Variants in FBXO36 observed in about 807,000 individuals in gnomAD.
FBXO36 encodes the protein F-box only protein 36.
A neutral mutation model predicts 17.0 loss-of-function variants in FBXO36; 18 were observed. The ratio of observed to expected loss-of-function variants is 1.06; its 90% confidence interval spans 0.73 to 1.57. The LOEUF (loss-of-function observed/expected upper bound fraction) is 1.57, where lower values mean the gene tolerates loss of function less well. Ranked by LOEUF, FBXO36 falls within the 40% of genes most tolerant of loss-of-function variation. The pLI is 0.00. For synonymous variants in FBXO36, 83 were observed against 85.3 expected, an observed-to-expected ratio of 0.97 and a Z score of 0.15; for missense variants, 229 against 221.9, an observed-to-expected ratio of 1.03 and a Z score of -0.20.
At chr2:229,923,980 G>A (rs10174239) in intron 1 of FBXO36, among the ~76,000 whole-genome samples, 2,530 of 151,138 alleles carry the variant, frequency 0.017, 69 homozygotes, top group African/African-American at 0.059. Context: ...TCTTGATCTC[G>A]TGATCCGCCT....
intron 2 of FBXO36, among the ~76,000 whole-genome samples, chr2:229,989,449 G>T (rs1335980943): frequency 6.6e-6 from 1 of 151,778 alleles, no homozygotes; most frequent in Non-Finnish European, 1.5e-5. Flanking sequence ...TAGAGACAGG[G>T]TTTCTCCATG....
In FBXO36 at chr2:229,953,663, T is replaced by C. The variant is rs371722978; in HGVS notation, c.97-22578T>C. On this transcript the variant is annotated intron_variant, in intron 1 of 3. Coordinates refer to ENST00000283946, the MANE Select transcript of FBXO36 (RefSeq NM_174899.5). ...CTCCAGCCTGGATGACAGAATGATA[T>C]CTTGTCTCAGAGAAAAAAAAAATAA... 1.1e-4 allele frequency among the ~76,000 whole-genome samples: 16 copies of C among 151,356 alleles called. No homozygotes were observed. The East Asian group carries it at 2.7e-3, about 26-fold the overall frequency.
intron 1 of FBXO36, among the ~76,000 whole-genome samples, chr2:229,963,444 CTTTTTT>C (rs757351541): frequency 2.5e-4 from 32 of 129,230 alleles, no homozygotes; most frequent in African/African-American, 8.6e-4. Context: ...TTTCTTTTTT[CTTTTTT>C]TTTTTTTTTT....
intron 1 of FBXO36, among the ~76,000 whole-genome samples, chr2:229,950,989 A>C (rs2077054638): frequency 6.6e-6 from 1 of 152,114 alleles, no homozygotes. Context: ...ACTGGAGTGC[A>C]GTGTTGTGAT....
rs5839351 is a variant in FBXO36, at chr2:230,011,598, C to CTTTTTTTTTTTTTTTTTTTGT, written c.*731_*732insTTGTTTTTTTTTTTTTTTTTT. On this transcript the variant is annotated 3_prime_UTR_variant, in exon 4 of 4. Coordinates refer to ENST00000283946, the MANE Select transcript of FBXO36 (RefSeq NM_174899.5). ...AACCTATAAACATTTCTTTTCTTTT[C>CTTTTTTTTTTTTTTTTTTTGT]TTTTTTTTTTTTTTTTTGTATTTTC... The CTTTTTTTTTTTTTTTTTTTGT allele has an allele frequency of 8.1e-6, 1 of 123,444 alleles. No homozygotes were observed. The highest frequency in any genetic ancestry group is 3.1e-5 in the African/African-American group (1 of 32,182). 7.6% of individuals were successfully genotyped at this position (123,444 alleles called of 1,614,324 possible).
At chr2:229,970,301 T>C (rs2077174343) in intron 1 of FBXO36, among the ~76,000 whole-genome samples, 1 of 152,110 alleles carries the variant, frequency 6.6e-6, no homozygotes, top group African/African-American at 2.4e-5. Flanking sequence ...GGGAGGACTG[T>C]TTGAGCCCAG....
intron 2 of FBXO36, among the ~76,000 whole-genome samples, chr2:229,985,586 G>T (rs1391608171): frequency 6.6e-6 from 1 of 152,156 alleles, no homozygotes; most frequent in Non-Finnish European, 1.5e-5. Flanking sequence ...GCAAGTGGAT[G>T]GTGAGGTGGG....
rs527815712 is a variant in FBXO36 at position 229,965,103 on chromosome 2, T to A, written c.97-11138T>A. ...ACCATTTTTTTCCATCTAGGACTTATATGGTCTGATTTTTTAATACGCAGA... is the reference window on the plus strand; with the variant it reads ...ACCATTTTTTTCCATCTAGGACTTAAATGGTCTGATTTTTTAATACGCAGA... On this transcript the variant is annotated intron_variant, in intron 1 of 3. Transcript: ENST00000283946. 3.3e-5 allele frequency among the ~76,000 whole-genome samples: 5 copies of A among 151,888 alleles called. No individual in the cohort carries two copies. The South Asian group carries it at 1.0e-3, about 31-fold the overall frequency.
At chr2:229,928,177 G>T (rs1380592082) in intron 1 of FBXO36, among the ~76,000 whole-genome samples, 1 of 152,178 alleles carries the variant, frequency 6.6e-6, no homozygotes, top group African/African-American at 2.4e-5. Context: ...TGGTTAAACT[G>T]TGATTCATTC....
chr2:229,980,940 A>G (rs2077236106), intron 2 of FBXO36, among the ~76,000 whole-genome samples: 1 of 151,854 alleles, frequency 6.6e-6, no homozygotes, highest in African/African-American at 2.4e-5. Context: ...TAAGGGGAAA[A>G]CTCCAAACCA....
At chr2:229,943,918 G>A (rs543673871) in intron 1 of FBXO36, among the ~76,000 whole-genome samples, 42 of 152,176 alleles carry the variant, frequency 2.8e-4, no homozygotes, top group African/African-American at 9.4e-4. Context: ...TCATGGGGGC[G>A]GACTTCCCTC....
At chr2:230,003,459 C>G (rs1042724263) in intron 3 of FBXO36, among the ~76,000 whole-genome samples, 1 of 152,008 alleles carries the variant, frequency 6.6e-6, no homozygotes, top group Admixed American at 6.6e-5. Context: ...TCGGTCCATG[C>G]CTGCAAAATA....
At chr2:229,954,790 G>A (rs1441114028) in intron 1 of FBXO36, among the ~76,000 whole-genome samples, 1 of 150,220 alleles carries the variant, frequency 6.7e-6, no homozygotes, top group Non-Finnish European at 1.5e-5. Flanking sequence ...CTCGTGATCC[G>A]CCTGCCTCGG....
intron 1 of FBXO36, among the ~76,000 whole-genome samples, chr2:229,925,005 C>T (rs1003612163): frequency 6.6e-6 from 1 of 152,032 alleles, no homozygotes; most frequent in African/African-American, 2.4e-5. Context: ...CCTGGCATTA[C>T]AGGCGTGAGC....
At chr2:229,965,765 A>T (rs1458808501) in intron 1 of FBXO36, among the ~76,000 whole-genome samples, 5 of 151,604 alleles carry the variant, frequency 3.3e-5, no homozygotes, top group African/African-American at 1.2e-4. Context: ...TTCTTAATCC[A>T]CTCTATCATT....
At chr2:229,954,541 C>A (rs977908502) in intron 1 of FBXO36, among the ~76,000 whole-genome samples, 15 of 128,528 alleles carry the variant, frequency 1.2e-4, no homozygotes, top group African/African-American at 3.3e-4. Context: ...CTGCACCCGG[C>A]CTTTTTTTTT....
rs751292712 is a variant in FBXO36, at chr2:229,922,580, T to G, written c.67T>G (p.Tyr23Asp). 12 of 1,614,062 alleles carry G rather than the reference T, an allele frequency of 7.4e-6. No individual in the cohort carries two copies. The highest frequency in any genetic ancestry group is 1.7e-6 in the Non-Finnish European group (2 of 1,180,012). ...VGQGPPPSKDYYQLLVTRSQV... is the reference protein window; with the variant it reads ...VGQGPPPSKDDYQLLVTRSQV... ...ACAAGGCCCGCCGCCTAGCAAAGACTATTACCAGTTACTGGTCACCCGGTC... is the reference window on the plus strand; with the variant it reads ...ACAAGGCCCGCCGCCTAGCAAAGACGATTACCAGTTACTGGTCACCCGGTC... The change falls in exon 1 of 4, where the codon TAT becomes GAT. Residue 23 changes from tyrosine to aspartate, a missense_variant. By Grantham distance (160) the Tyr-to-Asp change is radical. Coordinates refer to ENST00000283946, the MANE Select transcript of FBXO36 (RefSeq NM_174899.5).
intron 2 of FBXO36, among the ~76,000 whole-genome samples, chr2:229,987,685 C>G (rs1019113101): frequency 1.3e-5 from 2 of 151,938 alleles, no homozygotes; most frequent in Non-Finnish European, 2.9e-5. Flanking sequence ...GGCTGGAGTG[C>G]AGTGGTGTGA....
At chr2:229,992,068 C>T (rs2077300631) in intron 2 of FBXO36, among the ~76,000 whole-genome samples, 1 of 152,078 alleles carries the variant, frequency 6.6e-6, no homozygotes, top group Non-Finnish European at 1.5e-5. Flanking sequence ...TTACTTTAAG[C>T]ATCAAGAAGA....
Sources: gnomAD v4.1 joint callset for allele counts (sites outside exome capture counted in the v4.1 genomes callset) on GRCh38, gnomAD v4.1.1 for gene constraint, MANE v1.5 for transcripts, NCBI Gene and HGNC (gene_info 2026-07-23, HGNC 2026-07-21) for gene names.